Variants in AATK observed in about 807,000 individuals in gnomAD.
The protein encoded by AATK is lemur tail kinase 1.
Under a neutral mutation model 114.3 loss-of-function variants are expected in AATK, and 91 were observed. The ratio of observed to expected loss-of-function variants is 0.80; its 90% confidence interval spans 0.67 to 0.95. The LOEUF (loss-of-function observed/expected upper bound fraction) is 0.95. AATK is among the 40% of genes least tolerant of loss of function. The pLI is 0.00. For synonymous variants in AATK, 1,075 were observed against 916.5 expected (o/e 1.17, Z -3.12); for missense variants, 2,176 against 1,965.2 (o/e 1.11, Z -2.03).
intron 9 of AATK, among the ~76,000 whole-genome samples, chr17:81,123,698 G>C (rs897928212): frequency 1.3e-5 from 2 of 151,534 alleles, no homozygotes; most frequent in African/African-American, 4.9e-5. Flanking sequence ...AGCCCAAAGC[G>C]GAGTAGGGCC....
chr17:81,128,850 G>C (rs2060888061), intron 3 of AATK: 1 of 1,199,278 alleles, frequency 8.3e-7, no homozygotes, highest in Middle Eastern at 3.7e-4. Context: ...CCCGGAGCTC[G>C]ACCCGTCACA....
In AATK at chr17:81,126,101, C is replaced by A; in HGVS notation, c.755+326G>T. The A allele has an allele frequency of 2.0e-6, 1 of 506,404 alleles. No individual in the cohort carries two copies. Among genetic ancestry groups the A allele is most frequent in the East Asian group, 4.8e-5 (1 of 20,808 alleles). 31.4% of individuals were successfully genotyped at this position (506,404 alleles called of 1,614,324 possible). A position where few individuals can be genotyped will look rare whatever the true frequency, so the allele number is the denominator to read the frequency against. On this transcript the variant is annotated intron_variant, in intron 7 of 13. Coordinates refer to ENST00000326724, the MANE Select transcript of AATK (RefSeq NM_001080395.3). This position sits in a 1 kb window ranked among gnomAD's most constrained non-coding sequence, Gnocchi z 5.1. Reference sequence around the variant, plus strand: ...GTCCTTCGAAGCAGGGTCTGTCTCCCTCAAGCCCCAAAGCGAGGGCTTAGC... The same window carrying A: ...GTCCTTCGAAGCAGGGTCTGTCTCCATCAAGCCCCAAAGCGAGGGCTTAGC...
Position 81,121,481 on chromosome 17 carries a change from C to T in AATK, c.2455G>A (p.Ala819Thr), listed in dbSNP as rs139833195. ...GGAGAGTCAGGCAGGGCATCAGGGG[C>T]GTCGGGGGCACTGGCCTCCTCCGAG... Reference protein sequence around the residue: ...LPSEEASAPDAPDALPDSPTP... With the variant: ...LPSEEASAPDTPDALPDSPTP... Residue 819 changes from alanine (A) to threonine (T), a missense_variant, in exon 11 of 14, where the codon GCC becomes ACC. Physicochemically the swap from Ala to Thr is moderately conservative, Grantham distance 58. Around this residue, in one of 4 missense-constraint regions of AATK, gnomAD observed 1,701 missense variants for 1,394.7 expected, o/e 1.22. Coordinates refer to ENST00000326724, the MANE Select transcript of AATK (RefSeq NM_001080395.3). The T allele has an allele frequency of 1.1e-4, 175 of 1,568,210 alleles. 2 individuals carry two copies. The African/African-American group carries it at 1.3e-3, about 12-fold the overall frequency.
intron 1 of AATK, among the ~76,000 whole-genome samples, chr17:81,149,220 A>C (rs2061263409): frequency 6.6e-6 from 1 of 151,986 alleles, no homozygotes; most frequent in South Asian, 2.1e-4. Context: ...GAGCTGGTGC[A>C]GGTTCCCTTC....
intron 13 of AATK, 77 bp downstream of exon 13, chr17:81,119,303 A>G: frequency 2.2e-6 from 3 of 1,394,714 alleles, no homozygotes; most frequent in Non-Finnish European, 1.9e-6. Context: ...CAGGACCTAG[A>G]CGGAGGGGCC....
intron 1 of AATK, among the ~76,000 whole-genome samples, chr17:81,141,306 C>A (rs1181463356): frequency 6.6e-6 from 1 of 152,134 alleles, no homozygotes; most frequent in Non-Finnish European, 1.5e-5. Context: ...AAAAAACTAG[C>A]CGGGCATGGT....
Position 81,119,446 on chromosome 17 carries a change from A to T in AATK, c.4018T>A (p.Ser1340Thr). 1 of 1,515,040 alleles carries T rather than the reference A, an allele frequency of 6.6e-7. No individual in the cohort carries two copies. Among genetic ancestry groups the T allele is most frequent in the Non-Finnish European group, 8.8e-7 (1 of 1,137,210 alleles). 93.8% of individuals were successfully genotyped at this position (1,515,040 alleles called of 1,614,324 possible). A position where few individuals can be genotyped will look rare whatever the true frequency, so the allele number is the denominator to read the frequency against. The change falls in exon 13 of 14, where the codon TCG becomes ACG. Residue 1340 changes from serine (S) to threonine (T), a missense_variant. Coordinates refer to ENST00000326724, the MANE Select transcript of AATK (RefSeq NM_001080395.3). Reference sequence around the variant, plus strand: ...GAGAAGCGGGACGTGGGCGCGGGCGACACCGTGAAGCGCGAGAAGGGAGCG... The same window carrying T: ...GAGAAGCGGGACGTGGGCGCGGGCGTCACCGTGAAGCGCGAGAAGGGAGCG... ...TPAPFSRFTV[S>T]PAPTSRFSIT...
At chr17:81,135,867 C>T (rs2061001820) in intron 1 of AATK, 1 of 152,462 alleles carries the variant, frequency 6.6e-6, no homozygotes, top group Admixed American at 6.5e-5. Flanking sequence ...CAAAGCAAGA[C>T]CTGGGTCACC....
intron 1 of AATK, among the ~76,000 whole-genome samples, chr17:81,157,641 CCT>C (rs1309839029): frequency 2.0e-5 from 3 of 152,180 alleles, no homozygotes; most frequent in African/African-American, 7.2e-5. Context: ...AGGAATGTCC[CCT>C]CTGTTGACAC....
intron 10 of AATK, 112 bp downstream of exon 10, chr17:81,123,082 G>A: frequency 8.1e-7 from 1 of 1,239,232 alleles, no homozygotes; most frequent in Non-Finnish European, 1.0e-6. Flanking sequence ...AGAGGGGAGG[G>A]GAGACCAGGC....
intron 1 of AATK, among the ~76,000 whole-genome samples, chr17:81,141,786 A>G (rs114191273): frequency 0.012 from 1,897 of 152,326 alleles, 48 homozygotes; most frequent in African/African-American, 0.043. Flanking sequence ...TGCTGTGCAC[A>G]CGTGGCTGGA....
In AATK at chr17:81,134,476, G is replaced by A. The variant is rs776115089; in HGVS notation, c.81C>T (p.Ser27=). ...DPDGAPLSEL[S]WPSSLAVVAV... ...CCACCACGGCGAGGGAGGATGGCCA[G>A]GACAGCTCGCTGAGCGGGGCGCCGT... Residue 27 remains serine (S), a synonymous_variant, in exon 2 of 14, where the codon TCC becomes TCT. Coordinates refer to ENST00000326724, the MANE Select transcript of AATK (RefSeq NM_001080395.3). 1.1e-5 allele frequency: 17 copies of A among 1,612,818 alleles called. No individual in the cohort carries two copies. The East Asian group carries it at 3.6e-4, about 34-fold the overall frequency.
intron 1 of AATK, among the ~76,000 whole-genome samples, chr17:81,137,639 CTTG>C (rs1203761984): frequency 3.9e-5 from 6 of 152,268 alleles, no homozygotes; most frequent in South Asian, 2.1e-4. Context: ...AACCATGACA[CTTG>C]TTGTAACAAT....
rs1014004337 is a variant in AATK, at chr17:81,126,064, C to T, written c.755+363G>A. 3.5e-5 allele frequency: 17 copies of T among 486,528 alleles called. No individual in the cohort carries two copies. The East Asian group carries it at 9.7e-4, about 28-fold the overall frequency. 30.1% of individuals were successfully genotyped at this position (486,528 alleles called of 1,614,324 possible). A position where few individuals can be genotyped will look rare whatever the true frequency, so the allele number is the denominator to read the frequency against. ...CATCCTGGCCCAAGCAGGACAGAAC[C>T]CTCCCTCCAGGGTCCTTCGAAGCAG... On this transcript the variant is annotated intron_variant, in intron 7 of 13. Transcript: ENST00000326724. The surrounding 1 kb of genome is among the most constrained non-coding windows in gnomAD (Gnocchi z 5.1).
chr17:81,133,333 C>T (rs1487542864), intron 2 of AATK: 1 of 394,856 alleles, frequency 2.5e-6, no homozygotes, highest in Non-Finnish European at 5.1e-6. Context: ...CTCCTTGGCC[C>T]ATTCTGCGTC....
chr17:81,143,640 TCTC>T (rs1434406183), intron 1 of AATK, among the ~76,000 whole-genome samples: 1 of 151,662 alleles, frequency 6.6e-6, no homozygotes, highest in African/African-American at 2.4e-5. Flanking sequence ...TCACAGCCTC[TCTC>T]CTCAGCACGT....
chr17:81,144,731 G>A (rs570035569), intron 1 of AATK, among the ~76,000 whole-genome samples: 171 of 152,382 alleles, frequency 1.1e-3, no homozygotes, highest in East Asian at 3.1e-3. Context: ...CACAAGCTAC[G>A]AAGTCCAGCG....
chr17:81,130,065 C>T (rs2060905860), intron 3 of AATK, among the ~76,000 whole-genome samples: 1 of 152,236 alleles, frequency 6.6e-6, no homozygotes, highest in African/African-American at 2.4e-5. Context: ...CAGGGCCCAG[C>T]CAGGCACAGT....
chr17:81,152,821 A>G (rs1038330392), intron 1 of AATK, among the ~76,000 whole-genome samples: 3 of 147,314 alleles, frequency 2.0e-5, no homozygotes, highest in Non-Finnish European at 4.4e-5. Flanking sequence ...AATGGATGGC[A>G]CCTTCAAAAC....
Sources: allele counts gnomAD v4.1 joint callset (sites outside exome capture counted in the v4.1 genomes callset), GRCh38; gene constraint gnomAD v4.1.1; regional missense constraint gnomAD v4.1.1; non-coding constraint Gnocchi (gnomAD v3.1); transcripts MANE v1.5; gene names NCBI Gene and HGNC (gene_info 2026-07-23, HGNC 2026-07-21).